The following CNTLN variants were observed in gnomAD, a reference collection of about 807,000 sequenced individuals.
CNTLN encodes the protein centlein.
CNTLN carries 212 observed loss-of-function variants against 180.0 expected under a neutral mutation model. The ratio of observed to expected loss-of-function variants is 1.18; its 90% CI spans 1.05 to 1.32. The LOEUF (loss-of-function observed/expected upper bound fraction) is 1.32. CNTLN is among the 40% of genes most tolerant of loss of function. The pLI, the probability that CNTLN is intolerant of heterozygous loss-of-function variation, is 0.00. For missense variants in CNTLN, 2,095 were observed against 1,610.9 expected, an observed-to-expected ratio of 1.30 and a Z score of -5.14; for synonymous variants, 722 against 563.1, an observed-to-expected ratio of 1.28 and a Z score of -3.99.
chr9:17,281,498 C>T (rs1264069290), intron 6 of CNTLN, among the ~76,000 whole-genome samples: 2 of 152,058 alleles, frequency 1.3e-5, no homozygotes, highest in Non-Finnish European at 2.9e-5. Flanking sequence ...CTACCTGTAT[C>T]CGTGTGTTCT....
At chr9:17,368,947 C>G (rs1462784083) in intron 13 of CNTLN, among the ~76,000 whole-genome samples, 1 of 152,134 alleles carries the variant, frequency 6.6e-6, no homozygotes, top group Non-Finnish European at 1.5e-5. Flanking sequence ...ACTGCAAAGA[C>G]AAAAATAAAT....
At chr9:17,271,345 G>C (rs577619092) in intron 5 of CNTLN, among the ~76,000 whole-genome samples, 138 of 152,244 alleles carry the variant, frequency 9.1e-4, no homozygotes, top group African/African-American at 3.2e-3. Flanking sequence ...ACCCAGGCTG[G>C]AATTCTGTGT....
chr9:17,336,006 G>A (rs1055247258), intron 10 of CNTLN, among the ~76,000 whole-genome samples: 1 of 151,522 alleles, frequency 6.6e-6, no homozygotes, highest in Non-Finnish European at 1.5e-5. Context: ...CTTAGTAAAT[G>A]TTTTATTGAA....
At chr9:17,220,685 G>T (rs1399758402) in intron 2 of CNTLN, among the ~76,000 whole-genome samples, 1 of 152,152 alleles carries the variant, frequency 6.6e-6, no homozygotes, top group Admixed American at 6.6e-5. Context: ...AGAACATGTT[G>T]CACATGCAAT....
Position 17,357,217 on chromosome 9 carries a change from T to G in CNTLN, c.1887-9400T>G, listed in dbSNP as rs534148353. 2.6e-5 allele frequency among the ~76,000 whole-genome samples: 4 copies of G among 152,156 alleles called. No individual in the cohort carries two copies. In the East Asian group the frequency reaches 5.8e-4, roughly 22 times the overall value. On this transcript the variant is annotated intron_variant, in intron 12 of 25. Coordinates refer to ENST00000380647, the MANE Select transcript of CNTLN (RefSeq NM_017738.4). Reference sequence around the variant, plus strand: ...CTTTTTAAGGCTGAATAATGTTTCATTTTATGTATATACCACATTTTGTTT... The same window carrying G: ...CTTTTTAAGGCTGAATAATGTTTCAGTTTATGTATATACCACATTTTGTTT...
intron 2 of CNTLN, among the ~76,000 whole-genome samples, chr9:17,175,385 C>T (rs1820658766): frequency 6.6e-6 from 1 of 152,114 alleles, no homozygotes; most frequent in Non-Finnish European, 1.5e-5. Context: ...TCTTCTAGCA[C>T]AATTTGTTAA....
intron 2 of CNTLN, among the ~76,000 whole-genome samples, chr9:17,175,449 G>C (rs1820662793): frequency 6.6e-6 from 1 of 152,032 alleles, no homozygotes; most frequent in African/African-American, 2.4e-5. Flanking sequence ...AAAATCACTT[G>C]GGTATATTTG....
chr9:17,276,181 G>A (rs778246209), intron 6 of CNTLN, among the ~76,000 whole-genome samples: 49 of 152,022 alleles, frequency 3.2e-4, no homozygotes, highest in Non-Finnish European at 5.7e-4. Flanking sequence ...AAGAATAATA[G>A]CACAGAGTTG....
At chr9:17,273,643 T>A in intron 5 of CNTLN, 90 bp from the exon 6 acceptor site, 1 of 674,472 alleles carries the variant, frequency 1.5e-6, no homozygotes, top group Admixed American at 3.2e-5. Context: ...TTTTTCTCTG[T>A]CATTTTGTAG....
chr9:17,323,210 G>A (rs943445945), intron 8 of CNTLN, among the ~76,000 whole-genome samples: 1 of 152,032 alleles, frequency 6.6e-6, no homozygotes, highest in African/African-American at 2.4e-5. Flanking sequence ...GAGTTACTCT[G>A]AATTCAGTAA....
intron 24 of CNTLN, among the ~76,000 whole-genome samples, chr9:17,485,540 G>A (rs1016091765): frequency 6.6e-6 from 1 of 152,122 alleles, no homozygotes; most frequent in African/African-American, 2.4e-5. Context: ...ACACATGGGA[G>A]TAATATTACT....
intron 12 of CNTLN, among the ~76,000 whole-genome samples, chr9:17,355,718 A>G (rs1178089733): frequency 6.6e-6 from 1 of 152,200 alleles, no homozygotes; most frequent in African/African-American, 2.4e-5. Context: ...ATTATGTGCA[A>G]TAATTAATGA....
intron 8 of CNTLN, among the ~76,000 whole-genome samples, chr9:17,325,034 TTGA>T (rs1820170894): frequency 6.6e-6 from 1 of 151,752 alleles, no homozygotes; most frequent in African/African-American, 2.4e-5. Flanking sequence ...GATGAATTTG[TTGA>T]TATTAGACAT....
chr9:17,180,927 C>A (rs982971308), intron 2 of CNTLN, among the ~76,000 whole-genome samples: 1 of 152,098 alleles, frequency 6.6e-6, no homozygotes, highest in African/African-American at 2.4e-5. Flanking sequence ...TCATCTGAAT[C>A]ATTGTTTTTA....
chr9:17,194,326 C>T (rs1821982991), intron 2 of CNTLN, among the ~76,000 whole-genome samples: 1 of 152,200 alleles, frequency 6.6e-6, no homozygotes, highest in African/African-American at 2.4e-5. Flanking sequence ...TTATTCTCTG[C>T]TTCCCTTATA....
intron 18 of CNTLN, among the ~76,000 whole-genome samples, chr9:17,456,455 T>A (rs2134150599): frequency 6.6e-6 from 1 of 152,284 alleles, no homozygotes; most frequent in East Asian, 1.9e-4. Context: ...GAGTCCATGA[T>A]CTGAAATATT....
the CNTLN span, among the ~76,000 whole-genome samples, chr9:17,512,154 T>C: frequency 6.6e-6 from 1 of 152,180 alleles, no homozygotes; most frequent in African/African-American, 2.4e-5. Context: ...ACTAAGTCCA[T>C]TCTATAGACC....
At chr9:17,514,185 C>T in the CNTLN span, among the ~76,000 whole-genome samples, 4 of 150,872 alleles carry the variant, frequency 2.7e-5, no homozygotes, top group East Asian at 7.7e-4. Context: ...TGACACATGC[C>T]TGTAGTCCCA....
chr9:17,332,791 A>G, intron 10 of CNTLN, 61 bp downstream of exon 10: 1 of 1,381,040 alleles, frequency 7.2e-7, no homozygotes, highest in Non-Finnish European at 9.7e-7. Context: ...ACCAAAGTAA[A>G]CATACAGTTC....
Sources: gnomAD v4.1 joint callset for allele counts (sites outside exome capture counted in the v4.1 genomes callset) on GRCh38, gnomAD v4.1.1 for gene constraint, MANE v1.5 for transcripts, NCBI Gene and HGNC (gene_info 2026-07-23, HGNC 2026-07-21) for gene names.